Variants in SUMF1 observed in about 807,000 individuals in gnomAD.
The protein encoded by SUMF1 is formylglycine-generating enzyme.
SUMF1 carries 48 observed loss-of-function variants against 47.6 expected under a neutral mutation model. That is an observed-to-expected ratio of 1.01 (90% CI 0.80 to 1.28). The LOEUF (loss-of-function observed/expected upper bound fraction) is 1.28, where lower values mean the gene tolerates loss of function less well. SUMF1 is among the 50% of genes most tolerant of loss of function. The pLI, the probability that SUMF1 is intolerant of heterozygous loss-of-function variation, is 0.00. For synonymous variants in SUMF1, 230 were observed against 192.1 expected, an observed-to-expected ratio of 1.20 and a Z score of -1.63; for missense variants, 571 against 485.4, an observed-to-expected ratio of 1.18 and a Z score of -1.66.
intron 8 of SUMF1, among the ~76,000 whole-genome samples, chr3:4,124,751 A>G (rs577211956): frequency 4.6e-5 from 7 of 152,234 alleles, no homozygotes; most frequent in African/African-American, 1.7e-4. Context: ...AGCAATACCT[A>G]CCTACAAAGA....
At chr3:4,091,094 AAC>A (rs1366685797) in intron 8 of SUMF1, among the ~76,000 whole-genome samples, 5 of 141,602 alleles carry the variant, frequency 3.5e-5, no homozygotes, top group African/African-American at 1.2e-4. Context: ...CAACAACAAC[AAC>A]AAAAAAAAAA....
intron 2 of SUMF1, among the ~76,000 whole-genome samples, chr3:4,450,419 T>C (rs1293884608): frequency 6.6e-6 from 1 of 152,184 alleles, no homozygotes; most frequent in Non-Finnish European, 1.5e-5. Flanking sequence ...CATCTCCAAC[T>C]CCTTTTCCGG....
At chr3:4,121,795 T>C (rs1010705917) in intron 8 of SUMF1, among the ~76,000 whole-genome samples, 2 of 152,108 alleles carry the variant, frequency 1.3e-5, no homozygotes, top group Non-Finnish European at 2.9e-5. Context: ...GAGGGTTATG[T>C]ACAGATTATT....
chr3:4,381,376 C>T (rs767572457), intron 7 of SUMF1, among the ~76,000 whole-genome samples: 21 of 152,210 alleles, frequency 1.4e-4, no homozygotes, highest in Non-Finnish European at 2.5e-4. Flanking sequence ...GGCTACAAAT[C>T]GGGTGCAGTG....
At chr3:4,430,174 T>A (rs1350199690) in intron 3 of SUMF1, among the ~76,000 whole-genome samples, 2 of 152,192 alleles carry the variant, frequency 1.3e-5, no homozygotes, top group Non-Finnish European at 2.9e-5. Context: ...CAGTTTTCCA[T>A]AAGATGGTAG....
intron 1 of SUMF1, among the ~76,000 whole-genome samples, chr3:4,465,282 C>T (rs1301378103): frequency 6.6e-6 from 1 of 152,066 alleles, no homozygotes; most frequent in Admixed American, 6.5e-5. Context: ...TGAGACCATC[C>T]GGGCCAACAT....
intron 7 of SUMF1, among the ~76,000 whole-genome samples, chr3:4,383,595 A>G (rs1391506973): frequency 6.6e-6 from 1 of 152,204 alleles, no homozygotes; most frequent in Non-Finnish European, 1.5e-5. Flanking sequence ...AGAAGATGAC[A>G]GAAGGCAGGT....
intron 8 of SUMF1, among the ~76,000 whole-genome samples, chr3:4,145,519 T>C (rs1694173722): frequency 6.6e-6 from 1 of 152,168 alleles, no homozygotes; most frequent in Admixed American, 6.5e-5. Context: ...TTTCTTCTCC[T>C]ACATGACCTC....
intron 8 of SUMF1, among the ~76,000 whole-genome samples, chr3:4,310,475 A>G (rs976254289): frequency 3.9e-5 from 6 of 152,178 alleles, no homozygotes; most frequent in African/African-American, 1.4e-4. Flanking sequence ...AATTATTGGT[A>G]TCAGGATCAG....
intron 8 of SUMF1, among the ~76,000 whole-genome samples, chr3:4,204,067 T>A (rs1695598983): frequency 6.6e-6 from 1 of 152,102 alleles, no homozygotes; most frequent in Admixed American, 6.6e-5. Context: ...TACTTACTAT[T>A]ATCCATGAGT....
At chr3:4,334,887 C>G (rs116840297) in intron 8 of SUMF1, among the ~76,000 whole-genome samples, 185 of 152,224 alleles carry the variant, frequency 1.2e-3, no homozygotes, top group Non-Finnish European at 2.4e-3. Context: ...TTTAGGCTAG[C>G]CTTTGTCCTG....
chr3:4,213,884 A>G (rs527698254), intron 8 of SUMF1, among the ~76,000 whole-genome samples: 99 of 152,322 alleles, frequency 6.5e-4, no homozygotes, highest in Non-Finnish European at 8.7e-4. Context: ...TATGCACCCA[A>G]TACAGGAGGA....
At chr3:4,152,117 T>C (rs1482164418) in intron 8 of SUMF1, among the ~76,000 whole-genome samples, 1 of 151,454 alleles carries the variant, frequency 6.6e-6, no homozygotes, top group Non-Finnish European at 1.5e-5. Flanking sequence ...ATTAGGATCA[T>C]ACAGAAGCAC....
At chr3:4,224,629 T>C (rs1696135970) in intron 8 of SUMF1, among the ~76,000 whole-genome samples, 1 of 151,932 alleles carries the variant, frequency 6.6e-6, no homozygotes, top group South Asian at 2.1e-4. Flanking sequence ...ACCTGCTGAA[T>C]GTCAGCCCTG....
rs11720781 is a variant in SUMF1, at chr3:4,148,535, G to C, written c.1015-79790C>G. 2.0e-3 allele frequency among the ~76,000 whole-genome samples: 300 copies of C among 152,186 alleles called. 1 individual carries two copies. The highest frequency in any genetic ancestry group is 3.2e-3 in the Non-Finnish European group (220 of 68,006). ...CCCTTCCTATCCCTCCCACACAAAA[G>C]GGCTAGTGCAGAAATGAGCAAAGTT... is the stretch of plus-strand genomic sequence containing the variant. On this transcript the variant is annotated intron_variant and NMD_transcript_variant, in intron 8 of 12. Coordinates refer to the SUMF1 transcript ENST00000448413.
At chr3:4,148,815 A>G (rs1012699249) in intron 8 of SUMF1, among the ~76,000 whole-genome samples, 5 of 152,190 alleles carry the variant, frequency 3.3e-5, no homozygotes, top group Non-Finnish European at 7.3e-5. Flanking sequence ...TAGACCCATA[A>G]GGCAGAAATC....
chr3:4,150,388 C>T (rs139737092), intron 8 of SUMF1, among the ~76,000 whole-genome samples: 2 of 151,454 alleles, frequency 1.3e-5, no homozygotes, highest in Admixed American at 6.6e-5. Flanking sequence ...ACGGTGAAAT[C>T]CCGTCTCTAC....
intron 8 of SUMF1, among the ~76,000 whole-genome samples, chr3:4,355,199 A>C (rs567597443): frequency 6.6e-6 from 1 of 152,142 alleles, no homozygotes; most frequent in African/African-American, 2.4e-5. Flanking sequence ...AATAAAAAAT[A>C]AAAAAAACTA....
At chr3:4,277,308 A>G (rs1372282756) in intron 8 of SUMF1, among the ~76,000 whole-genome samples, 2 of 152,178 alleles carry the variant, frequency 1.3e-5, no homozygotes, top group Non-Finnish European at 2.9e-5. Context: ...TCCTTTCCCA[A>G]AAGCCTGGTG....
Sources: gnomAD v4.1 joint callset for allele counts (sites outside exome capture counted in the v4.1 genomes callset) on GRCh38, gnomAD v4.1.1 for gene constraint, MANE v1.5 for transcripts, NCBI Gene and HGNC (gene_info 2026-07-23, HGNC 2026-07-21) for gene names.